Variants in TTN observed in about 807,000 individuals in gnomAD.
The protein encoded by TTN is titin, also known as connectin.
Under a neutral mutation model 3,223.0 loss-of-function variants are expected in TTN, and 1,525 were observed. The ratio of observed to expected loss-of-function variants is 0.47; its 90% CI spans 0.45 to 0.49. The LOEUF is 0.49. Ranked by LOEUF, TTN falls within the 20% of genes least tolerant of loss-of-function variation. The pLI is 0.00. For missense variants in TTN, 40,786 were observed against 43,424.0 expected (o/e 0.94, Z 5.40); for synonymous variants, 14,094 against 15,161.0 (o/e 0.93, Z 5.17).
chr2:178,671,579 C>G (rs549938909), intron 155 of TTN, among the ~76,000 whole-genome samples: 1 of 151,852 alleles, frequency 6.6e-6, no homozygotes, highest in African/African-American at 2.4e-5. Flanking sequence ...AGTTTGTGAA[C>G]AGTTGACTAA....
intron 13 of TTN, among the ~76,000 whole-genome samples, chr2:178,786,587 T>C (rs2093201621): frequency 6.6e-6 from 1 of 152,168 alleles, no homozygotes; most frequent in Non-Finnish European, 1.5e-5. Flanking sequence ...TCAAATACCG[T>C]CATCATCCTG....
In TTN at chr2:178,685,593, C is replaced by T. The variant is rs1026008454; in HGVS notation, c.32317G>A (p.Glu10773Lys). The T allele has an allele frequency of 1.9e-6, 3 of 1,613,202 alleles. No homozygotes were observed. Residue 10773 changes from glutamate to lysine, a missense_variant, in exon 128 of 363, where the codon GAA becomes AAA. By Grantham distance (56) the Glu-to-Lys change is moderately conservative. Coordinates refer to ENST00000589042, the MANE Select transcript of TTN (RefSeq NM_001267550.2). The part of the protein sequence containing the change: ...EAEVTEYEVM[E>K]EPEEYVVEEK... ...TCCACAACATATTCCTCAGGCTCTTCCATCACTTTAAAGACAGCAGTTTTA... is the reference window on the plus strand; with the variant it reads ...TCCACAACATATTCCTCAGGCTCTTTCATCACTTTAAAGACAGCAGTTTTA...
In TTN at chr2:178,730,228, G is replaced by A. The variant is rs189127014; in HGVS notation, c.18172C>T (p.Arg6058Cys). 160 of 1,613,320 alleles carry A rather than the reference G, an allele frequency of 9.9e-5. No homozygotes were observed. In the African/African-American group the frequency reaches 1.6e-3, roughly 16 times the overall value. Residue 6058 changes from arginine to cysteine, a missense_variant, in exon 62 of 363, where the codon CGC becomes TGC. Transcript: ENST00000589042. ...DNKELHSGAA[R>C]SVWKDDTSTS... ...GAGGTGTCATCCTTCCAAACTGAGC[G>A]GGCTGCTCCTGAGTGTAACTCTTTG...
At chr2:178,637,297 T>C (rs2060621773) in intron 224 of TTN, 72 bp downstream of exon 224, 3 of 1,114,380 alleles carry the variant, frequency 2.7e-6, no homozygotes, top group Non-Finnish European at 3.6e-6. Flanking sequence ...GAAATTTTTT[T>C]CCCCTTGAAT....
At chr2:178,760,386 C>G (rs543465234) in intron 43 of TTN, among the ~76,000 whole-genome samples, 2 of 152,224 alleles carry the variant, frequency 1.3e-5, no homozygotes, top group Admixed American at 1.3e-4. Flanking sequence ...AAAAATTAGC[C>G]AGGTGTGGTG....
chr2:178,527,271 A>T lies in TTN; in HGVS notation c.107717T>A (p.Ile35906Asn). 6.2e-7 allele frequency: 1 copy of T among 1,607,226 alleles called. No homozygotes were observed. The highest frequency in any genetic ancestry group is 8.5e-7 in the Non-Finnish European group (1 of 1,174,996). ...PPKIEALPSD[I>N]SIDEGKVLTV... ...TAGAACTTTGCCTTCATCAATGCTGATATCAGATGGAAGAGCTTCAATTTT... is the reference window on the plus strand; with the variant it reads ...TAGAACTTTGCCTTCATCAATGCTGTTATCAGATGGAAGAGCTTCAATTTT... The change falls in exon 363 of 363, where the codon ATC becomes AAC. Residue 35906 changes from isoleucine (I) to asparagine (N), a missense_variant. Coordinates refer to ENST00000589042, the MANE Select transcript of TTN (RefSeq NM_001267550.2).
rs2154135802 is a variant in TTN at position 178,534,312 on chromosome 2, G to A, written c.102303C>T (p.Asp34101=). The change falls in exon 358 of 363, where the codon GAC becomes GAT. Residue 34101 remains aspartate, a synonymous_variant. Transcript: ENST00000589042. The stretch of plus-strand genomic sequence containing the variant: ...GGGCTGCTGACACAACCATGTTGAG[G>A]TCTTTCTTGATCAGGGTGTGGTAAT... ...RRYYHTLIKK[D]LNMVVSAARI... The A allele has an allele frequency of 6.2e-7, 1 of 1,613,610 alleles. No homozygotes were observed. The highest frequency in any genetic ancestry group is 8.5e-7 in the Non-Finnish European group (1 of 1,179,838).
In TTN at chr2:178,785,858, A is replaced by G. The variant is rs143444636; in HGVS notation, c.2360T>C (p.Ile787Thr). ...IKTTDQKGMH[I>T]SSQIKKTTDL... ...CAGGTATAGACTCACCTGTGATGAT[A>G]TGTGCATTCCCTTTTGATCAGTAGT... The change falls in exon 14 of 363, where the codon ATA becomes ACA. Residue 787 changes from isoleucine to threonine, a missense_variant. Transcript: ENST00000589042. The G allele has an allele frequency of 1.4e-5, 23 of 1,614,004 alleles. No individual in the cohort carries two copies. The African/African-American group carries it at 2.9e-4, about 21-fold the overall frequency.
rs752360286 is a variant in TTN, at chr2:178,533,843, G to A, written c.102772C>T (p.Pro34258Ser). 15 of 1,613,954 alleles carry A rather than the reference G, an allele frequency of 9.3e-6. No homozygotes were observed. Among genetic ancestry groups the A allele is most frequent in the Non-Finnish European group, 1.3e-5 (15 of 1,179,862 alleles). ...TTATAGAGAGGCAGGGTAAATTCTG[G>A]TGGCCTTTCCAGGAGTCTCATTGTG... ...TDTMRLLERP[P>S]EFTLPLYNKT... The change falls in exon 358 of 363, where the codon CCA becomes TCA. Residue 34258 changes from proline (P) to serine (S), a missense_variant. Physicochemically the swap from Pro to Ser is moderately conservative, Grantham distance 74. Coordinates refer to ENST00000589042, the MANE Select transcript of TTN (RefSeq NM_001267550.2).
chr2:178,663,567 A>G lies in TTN; in HGVS notation c.36533-51T>C. The G allele has an allele frequency of 1.9e-6, 3 of 1,613,778 alleles. No homozygotes were observed. The South Asian group carries it at 3.3e-5, about 18-fold the overall frequency. The stretch of plus-strand genomic sequence containing the variant: ...TTTAGGCATTATGAAGACCACTAGA[A>G]AAATATTTTCCAGAGCAGAAGAGAT... On this transcript the variant is annotated intron_variant, in intron 171 of 362. Transcript: ENST00000589042.
rs1405596883 is a variant in TTN at position 178,592,510 on chromosome 2, C to A, written c.59495G>T (p.Arg19832Ile). 1.2e-6 allele frequency: 2 copies of A among 1,613,494 alleles called. No homozygotes were observed. The highest frequency in any genetic ancestry group is 8.5e-7 in the Non-Finnish European group (1 of 1,179,596). ...GCTACCAACTGGAGTCACATCAATT[C>A]TTGCTTTAGTTGGAGCATCTCTGTC... The part of the protein sequence containing the change: ...KEDRDAPTKA[R>I]IDVTPVGSKL... The change falls in exon 301 of 363, where the codon AGA becomes ATA. Residue 19832 changes from arginine (R) to isoleucine (I), a missense_variant. Transcript: ENST00000589042.
At chr2:178,554,356 G>A (rs1386027872) in intron 332 of TTN, 97 bp downstream of exon 332, 1 of 1,434,198 alleles carries the variant, frequency 7.0e-7, no homozygotes, top group Non-Finnish European at 9.5e-7. Context: ...TAATGAGACA[G>A]GTGTTATATA....
chr2:178,563,601 T>A lies in TTN; in HGVS notation c.82531A>T (p.Lys27511Ter). The A allele has an allele frequency of 6.2e-7, 1 of 1,613,736 alleles. No individual in the cohort carries two copies. The highest frequency in any genetic ancestry group is 8.5e-7 in the Non-Finnish European group (1 of 1,179,746). ...IEGYILEKRD[K>*]EGVRWTKCNK... ...CACTTGGTCCATCTAACGCCTTCCT[T>A]ATCTCGTTTTTCAAGAATGTAGCCC... The change falls in exon 326 of 363, where the codon AAG becomes TAG. Residue 27511 changes from lysine to a stop codon, truncating the protein, a stop_gained. Coordinates refer to ENST00000589042, the MANE Select transcript of TTN (RefSeq NM_001267550.2). LOFTEE classifies it high-confidence loss of function. This position sits in a 1 kb window ranked among gnomAD's most constrained non-coding sequence, Gnocchi z 4.5.
Position 178,607,489 on chromosome 2 carries a change from A to C in TTN, c.53199T>G (p.Asp17733Glu). The C allele has an allele frequency of 1.2e-6, 2 of 1,613,272 alleles. No homozygotes were observed. Among genetic ancestry groups the C allele is most frequent in the Non-Finnish European group, 1.7e-6 (2 of 1,179,388 alleles). The change falls in exon 277 of 363, where the codon GAT (aspartate) becomes GAG (glutamate). Residue 17733 changes from aspartate to glutamate, a missense_variant. Coordinates refer to ENST00000589042, the MANE Select transcript of TTN (RefSeq NM_001267550.2). ...VGTKSELIIK[D>E]ALRKDHGRYV... is the part of the protein sequence containing the mutation. ...ATCTGCCATGGTCTTTTCGCAGTGCATCCTTGATAATTAGTTCAGATTTGG... is the reference window on the plus strand; with the variant it reads ...ATCTGCCATGGTCTTTTCGCAGTGCCTCCTTGATAATTAGTTCAGATTTGG...
chr2:178,528,262 G>A lies in TTN; in HGVS notation c.107377+12C>T. On this transcript the variant is annotated intron_variant, in intron 361 of 362. Transcript: ENST00000589042. The stretch of plus-strand genomic sequence containing the variant: ...TTAAACATGTAAGGAAGAAGGGTGA[G>A]GAGATACTTACGAAGGACCATTAAG... 6.2e-7 allele frequency: 1 copy of A among 1,613,042 alleles called. No individual in the cohort carries two copies. The highest frequency in any genetic ancestry group is 8.5e-7 in the Non-Finnish European group (1 of 1,179,446).
At chr2:178,790,295 C>G (rs2093418690) in intron 11 of TTN, among the ~76,000 whole-genome samples, 180 bp from the exon 12 acceptor site, 1 of 151,644 alleles carries the variant, frequency 6.6e-6, no homozygotes, top group Non-Finnish European at 1.5e-5. Flanking sequence ...GCAAAAATAT[C>G]AAAACAATAA....
intron 147 of TTN, among the ~76,000 whole-genome samples, chr2:178,676,278 C>T (rs1180687154): frequency 1.3e-5 from 2 of 151,728 alleles, no homozygotes; most frequent in African/African-American, 2.4e-5. Context: ...TTTGCACCAA[C>T]CTAATATCAT....
intron 189 of TTN, among the ~76,000 whole-genome samples, chr2:178,655,256 A>G (rs2063811960): frequency 7.1e-6 from 1 of 139,898 alleles, no homozygotes; most frequent in Admixed American, 7.3e-5. Flanking sequence ...AAGACTCTCA[A>G]TAAATTAGGT....
rs1168265522 is a variant in TTN at position 178,566,227 on chromosome 2, A to G, written c.79905T>C (p.Asp26635=). 6.2e-7 allele frequency: 1 copy of G among 1,613,566 alleles called. No individual in the cohort carries two copies. The highest frequency in any genetic ancestry group is 2.2e-5 in the East Asian group (1 of 44,858). ...TTACTCCCTTTTCAATTTGGACCTT[A>G]TCTGTGAATTCACCTTCCTCTCGAG... ...TWSREEGEFT[D]KVQIEKGVNY... Residue 26635 remains aspartate (D), a synonymous_variant, in exon 326 of 363, where the codon GAT becomes GAC. Transcript: ENST00000589042.
Sources: gnomAD v4.1 joint callset for allele counts (sites outside exome capture counted in the v4.1 genomes callset) on GRCh38, gnomAD v4.1.1 for gene constraint, Gnocchi (gnomAD v3.1) non-coding constraint, MANE v1.5 for transcripts, NCBI Gene and HGNC (gene_info 2026-07-23, HGNC 2026-07-21) for gene names.